The following SBF2 variants were observed in gnomAD, a reference collection of about 807,000 sequenced individuals.
SBF2 encodes myotubularin-related protein 13.
A neutral mutation model predicts 225.2 loss-of-function variants in SBF2; 112 were observed. The observed-to-expected ratio is 0.50, with a 90% CI of 0.43 to 0.58. SBF2 has a LOEUF of 0.58. Ranked by LOEUF, SBF2 falls within the 20% of genes least tolerant of loss-of-function variation. The pLI is 0.00. For synonymous variants in SBF2, 763 were observed against 773.3 expected, an observed-to-expected ratio of 0.99 and a Z score of 0.22; for missense variants, 1,996 against 2,206.2, an observed-to-expected ratio of 0.90 and a Z score of 1.91.
intron 2 of SBF2, among the ~76,000 whole-genome samples, chr11:10,118,933 C>CA (rs1308860883): frequency 6.2e-5 from 9 of 145,760 alleles, no homozygotes; most frequent in African/African-American, 1.5e-4. Flanking sequence ...AACAAACAAA[C>CA]AAACAAAAAA....
At chr11:10,030,956 C>T (rs1949230034) in intron 4 of SBF2, 92 bp downstream of exon 4, 2 of 1,101,654 alleles carry the variant, frequency 1.8e-6, no homozygotes, top group African/African-American at 3.1e-5. Flanking sequence ...ATCAATCTAA[C>T]AATATTTTCA....
At position 9,989,572 on chromosome 11, in the gene SBF2, T is replaced by A; in HGVS notation, c.1320A>T (p.Arg440Ser). 6.2e-7 allele frequency: 1 copy of A among 1,606,180 alleles called. No homozygotes were observed. Among genetic ancestry groups the A allele is most frequent in the Non-Finnish European group, 8.5e-7 (1 of 1,173,618 alleles). Residue 440 changes from arginine to serine, a missense_variant, in exon 13 of 40, where the codon AGA becomes AGT. Coordinates refer to ENST00000256190, the MANE Select transcript of SBF2 (RefSeq NM_030962.4). ...CTGGGTTATTTTCTTCAACTTTAAT[T>A]CTCTCTACTTCAAAGGCTACCAACT... The part of the protein sequence containing the change: ...FDELVAFEVE[R>S]IKVEENNPVK...
chr11:10,239,545 T>C lies in SBF2; in HGVS notation c.56-45558A>G, dbSNP rs543845146. On this transcript the variant is annotated intron_variant, in intron 1 of 39. Transcript: ENST00000256190. ...CAATATAATGGAGTAGGAGAAAAAA[T>C]TGGATGTGTCTGTAACATCCTGCTG... Among the ~76,000 whole-genome samples, 5 of 127,716 alleles carry C rather than the reference T, an allele frequency of 3.9e-5. 1 individual carries two copies. The Middle Eastern group carries it at 0.012, about 302-fold the overall frequency. The allele number at this position is 127,716 out of a possible 152,430, so 83.8% of individuals were successfully genotyped here.
At chr11:10,029,897 T>C (rs753174278) in intron 4 of SBF2, 22 bp from the exon 5 acceptor site, 5 of 1,448,744 alleles carry the variant, frequency 3.5e-6, no homozygotes, top group African/African-American at 1.4e-5. Flanking sequence ...TAAATACATG[T>C]AATTATTTCA....
At chr11:10,066,182 T>TA (rs1429184424) in intron 2 of SBF2, among the ~76,000 whole-genome samples, 17 of 151,918 alleles carry the variant, frequency 1.1e-4, no homozygotes, top group African/African-American at 3.6e-4. Context: ...CAAACTCTTC[T>TA]AAAAAAACGG....
intron 2 of SBF2, among the ~76,000 whole-genome samples, chr11:10,059,908 A>T (rs1452292084): frequency 6.6e-6 from 1 of 152,196 alleles, no homozygotes; most frequent in East Asian, 1.9e-4. Flanking sequence ...CATAGCACTA[A>T]ATGTCCACAT....
At chr11:9,815,281 T>TAAAAAAAAA (rs35464212) in intron 29 of SBF2, among the ~76,000 whole-genome samples, 3 of 42,800 alleles carry the variant, frequency 7.0e-5, no homozygotes, top group African/African-American at 2.1e-4. Flanking sequence ...CTACTAAAAC[T>TAAAAAAAAA]AAAAAAAAAA....
rs116289926 is a variant in SBF2 at position 9,825,529 on chromosome 11, T to C, written c.3793+3827A>G. On this transcript the variant is annotated intron_variant, in intron 28 of 39. Coordinates refer to ENST00000256190, the MANE Select transcript of SBF2 (RefSeq NM_030962.4). ...TCATTGGAAAGATGACTCAAGGAGG[T>C]TGAAAGCTCTTAGGAAATCCTGCAA... Among the ~76,000 whole-genome samples the C allele has an allele frequency of 3.8e-3, 584 of 152,164 alleles. 5 individuals are homozygous for C. Among genetic ancestry groups the C allele is most frequent in the African/African-American group, 0.013 (549 of 41,506 alleles).
rs1322008767 is a variant in SBF2 at position 10,119,778 on chromosome 11, ATTAC to A, written c.141+74120_141+74123del. On this transcript the variant is annotated intron_variant, in intron 2 of 39. Transcript: ENST00000256190. ...ACCTACCTAATATCTTGTGGTTACAATTACTTATGTTTTTATGTTTATTTCAGTG... is the reference window on the plus strand; with the variant it reads ...ACCTACCTAATATCTTGTGGTTACAATTATGTTTTTATGTTTATTTCAGTG... Among the ~76,000 whole-genome samples, 11 of 152,318 alleles carry A rather than the reference ATTAC, an allele frequency of 7.2e-5. No homozygotes were observed. The South Asian group carries it at 2.1e-3, about 29-fold the overall frequency.
At chr11:9,936,002 C>T (rs1278781177) in intron 16 of SBF2, among the ~76,000 whole-genome samples, 1 of 152,074 alleles carries the variant, frequency 6.6e-6, no homozygotes, top group Non-Finnish European at 1.5e-5. Context: ...AAGAAACTAC[C>T]ATCAGAGTGA....
chr11:10,025,804 T>A (rs921917848), intron 6 of SBF2, among the ~76,000 whole-genome samples: 4 of 152,150 alleles, frequency 2.6e-5, no homozygotes, highest in African/African-American at 9.7e-5. Context: ...TGTCAGCGTG[T>A]TGGCCAGGCT....
chr11:10,104,642 G>GT (rs1356400517), intron 2 of SBF2, among the ~76,000 whole-genome samples: 1 of 152,148 alleles, frequency 6.6e-6, no homozygotes, highest in Non-Finnish European at 1.5e-5. Flanking sequence ...CTTGGAAACT[G>GT]TAAGCATTAA....
chr11:10,023,352 ACAAGCCT>A (rs1948929699), intron 6 of SBF2, among the ~76,000 whole-genome samples: 2 of 152,208 alleles, frequency 1.3e-5, no homozygotes, highest in Non-Finnish European at 2.9e-5. Flanking sequence ...AGTTCTTTTA[ACAAGCCT>A]CTAACAGTAA....
At chr11:10,203,025 C>T (rs1957622624) in intron 1 of SBF2, among the ~76,000 whole-genome samples, 3 of 139,206 alleles carry the variant, frequency 2.2e-5, no homozygotes, top group South Asian at 4.5e-4. Flanking sequence ...AGTTTCCATG[C>T]AGGATCTAGA....
chr11:10,095,786 A>C (rs1409003846), intron 2 of SBF2, among the ~76,000 whole-genome samples: 1 of 152,170 alleles, frequency 6.6e-6, no homozygotes, highest in Non-Finnish European at 1.5e-5. Context: ...ACACGTACTG[A>C]TTTTAATCAC....
chr11:9,809,394 T>C (rs1450691927), intron 30 of SBF2: 1 of 178,184 alleles, frequency 5.6e-6, no homozygotes, highest in Non-Finnish European at 1.2e-5. Flanking sequence ...TTACCTTACA[T>C]GATTCCCCCA....
rs34181436 is a variant in SBF2 at position 10,080,248 on chromosome 11, C to CAAAAA, written c.142-37272_142-37268dup. ...GGAAAATAAGAGCGAAACTCTGTCT[C>CAAAAA]AAAAAAAAAAAAAAAAAAAAAAGTA... On this transcript the variant is annotated intron_variant, in intron 2 of 39. Coordinates refer to ENST00000256190, the MANE Select transcript of SBF2 (RefSeq NM_030962.4). 4.9e-5 allele frequency among the ~76,000 whole-genome samples: 4 copies of CAAAAA among 82,226 alleles called. No homozygotes were observed. The East Asian group carries it at 1.0e-3, about 21-fold the overall frequency. 53.9% of individuals were successfully genotyped at this position (82,226 alleles called of 152,430 possible).
intron 15 of SBF2, 129 bp downstream of exon 15, chr11:9,963,644 C>G: frequency 1.6e-6 from 1 of 626,928 alleles, no homozygotes; most frequent in South Asian, 1.9e-5. Flanking sequence ...TTAAAATGAT[C>G]CAAACAATGA....
At position 9,851,766 on chromosome 11, in the gene SBF2, T is replaced by C. The variant is rs188659303; in HGVS notation, c.2610+910A>G. Among the ~76,000 whole-genome samples the C allele has an allele frequency of 8.2e-4, 125 of 152,244 alleles. 1 individual carries two copies. The highest frequency in any genetic ancestry group is 3.4e-3 in the Admixed American group (52 of 15,290). The stretch of plus-strand genomic sequence containing the variant: ...ACTCCTTTGACTAAATGAATGAATT[T>C]ACCTATTTATTTATTTATTTATGAG... On this transcript the variant is annotated intron_variant, in intron 21 of 39. Coordinates refer to ENST00000256190, the MANE Select transcript of SBF2 (RefSeq NM_030962.4).
Sources: allele counts gnomAD v4.1 joint callset (sites outside exome capture counted in the v4.1 genomes callset), GRCh38; gene constraint gnomAD v4.1.1; transcripts MANE v1.5; gene names NCBI Gene and HGNC (gene_info 2026-07-23, HGNC 2026-07-21).